The following DZIP1L variants were observed in gnomAD, a reference collection of about 807,000 sequenced individuals.
DZIP1L encodes cilium assembly protein DZIP1L.
A neutral mutation model predicts 88.7 loss-of-function variants in DZIP1L; 90 were observed. The ratio of observed to expected loss-of-function variants is 1.02; its 90% CI spans 0.86 to 1.21. The LOEUF (loss-of-function observed/expected upper bound fraction) is 1.21, where lower values mean the gene tolerates loss of function less well. DZIP1L is among the 50% of genes most tolerant of loss of function. The probability of loss-of-function intolerance (pLI) is 0.00; values close to 1 mark genes in which losing one functional copy is unlikely to be tolerated. For synonymous variants in DZIP1L, 363 were observed against 372.1 expected (o/e 0.98, Z 0.28); for missense variants, 932 against 955.8 (o/e 0.98, Z 0.33).
intron 11 of DZIP1L, 144 bp downstream of exon 11, chr3:138,077,355 T>C: frequency 8.3e-7 from 1 of 1,204,344 alleles, no homozygotes; most frequent in African/African-American, 1.5e-5. Flanking sequence ...GAGAAAGGCG[T>C]GCAGATGCCA....
Position 138,103,751 on chromosome 3 carries a change from C to A in DZIP1L, c.221G>T (p.Arg74Leu), listed in dbSNP as rs773821499. The A allele has an allele frequency of 1.9e-6, 3 of 1,613,802 alleles. No homozygotes were observed. The highest frequency in any genetic ancestry group is 2.7e-5 in the African/African-American group (2 of 74,944). The change falls in exon 2 of 16, where the codon CGC (arginine) becomes CTC (leucine). Residue 74 changes from arginine to leucine, a missense_variant. Transcript: ENST00000327532. ...TGCCGGGTCCACAGGCTGCCCACAGCGGCTGCACACCTCCCGGTCCAAGTT... is the reference window on the plus strand; with the variant it reads ...TGCCGGGTCCACAGGCTGCCCACAGAGGCTGCACACCTCCCGGTCCAAGTT... ...FCNLDREVCSRCGQPVDPALL... is the reference protein window; with the variant it reads ...FCNLDREVCSLCGQPVDPALL...
In DZIP1L at chr3:138,109,398, C is replaced by T. The variant is rs955442433; in HGVS notation, c.-81-5346G>A. Among the ~76,000 whole-genome samples, 3 of 152,298 alleles carry T rather than the reference C, an allele frequency of 2.0e-5. No homozygotes were observed. The South Asian group carries it at 6.2e-4, about 32-fold the overall frequency. On this transcript the variant is annotated intron_variant, in intron 1 of 15. Transcript: ENST00000327532. The stretch of plus-strand genomic sequence containing the variant: ...GCAGCCTGGCTCCAGTCTGGGCTAG[C>T]CTCTATTCTATGCTGCCTCTTGGTA...
intron 4 of DZIP1L, 149 bp downstream of exon 4, chr3:138,094,713 T>C (rs1042417346): frequency 7.8e-7 from 1 of 1,284,432 alleles, no homozygotes. Flanking sequence ...CTAAAATCAT[T>C]TGCCATGTCC....
intron 1 of DZIP1L, among the ~76,000 whole-genome samples, chr3:138,114,627 C>A (rs1296180131): frequency 6.6e-6 from 1 of 152,154 alleles, no homozygotes; most frequent in Non-Finnish European, 1.5e-5. Flanking sequence ...CTTCCCAGGC[C>A]TCTCTCCAAA....
chr3:138,072,180 C>T (rs1943213707), intron 11 of DZIP1L, among the ~76,000 whole-genome samples: 1 of 152,224 alleles, frequency 6.6e-6, no homozygotes, highest in African/African-American at 2.4e-5. Context: ...CCACAGCTTG[C>T]TCATTTTTGT....
chr3:138,078,938 C>T (rs1303431839), intron 10 of DZIP1L, among the ~76,000 whole-genome samples: 1 of 152,210 alleles, frequency 6.6e-6, no homozygotes, highest in African/African-American at 2.4e-5. Flanking sequence ...CAGTTGTAGA[C>T]AGCCACTGGT....
intron 1 of DZIP1L, among the ~76,000 whole-genome samples, chr3:138,112,782 A>G (rs2042639044): frequency 6.6e-6 from 1 of 152,178 alleles, no homozygotes; most frequent in Non-Finnish European, 1.5e-5. Flanking sequence ...TCCTGTCTCT[A>G]CTAAAAATAC....
rs1943725782 is a variant in DZIP1L at position 138,082,806 on chromosome 3, C to G, written c.1204-1042G>C. 2.0e-5 allele frequency among the ~76,000 whole-genome samples: 3 copies of G among 152,202 alleles called. No individual in the cohort carries two copies. In the South Asian group the frequency reaches 6.2e-4, roughly 31 times the overall value. ...TGCAGCTGTAGTTTCCCATGTGACA[C>G]AGCTTTGACCAATAATATAGATAAG... On this transcript the variant is annotated intron_variant, in intron 8 of 15. Coordinates refer to ENST00000327532, the MANE Select transcript of DZIP1L (RefSeq NM_173543.3).
In DZIP1L at chr3:138,101,573, G is replaced by A. The variant is rs569634866; in HGVS notation, c.501+1898C>T. The stretch of plus-strand genomic sequence containing the variant: ...ACAGTGGCCCTGGTGGAGCTGGTGC[G>A]GCTGAAGGAGCTGGAGCCTGCGCCA... On this transcript the variant is annotated intron_variant, in intron 2 of 15. Coordinates refer to ENST00000327532, the MANE Select transcript of DZIP1L (RefSeq NM_173543.3). 786 of 810,328 alleles carry A rather than the reference G, an allele frequency of 9.7e-4. 4 individuals carry two copies. Among genetic ancestry groups the A allele is most frequent in the Non-Finnish European group, 4.7e-4 (217 of 459,794 alleles). The allele number at this position is 810,328 out of a possible 1,614,324, so 50.2% of individuals were successfully genotyped here.
intron 5 of DZIP1L, chr3:138,088,710 A>G: frequency 1.6e-6 from 2 of 1,244,914 alleles, no homozygotes; most frequent in Non-Finnish European, 2.0e-6. Context: ...GCCCTTGCAT[A>G]GAAAAAGCAA....
chr3:138,066,257 T>C (rs1453569931), intron 14 of DZIP1L, among the ~76,000 whole-genome samples: 3 of 152,238 alleles, frequency 2.0e-5, no homozygotes, highest in African/African-American at 7.2e-5. Context: ...GGTAGGAAAC[T>C]GTTTTCCCTT....
intron 15 of DZIP1L, chr3:138,064,315 C>A: frequency 8.3e-7 from 1 of 1,209,248 alleles, no homozygotes; most frequent in Non-Finnish European, 1.1e-6. Context: ...GCTGGAAGAG[C>A]AGCTGCTGCA....
chr3:138,077,973 CCTCT>C (rs1006806898), intron 10 of DZIP1L, among the ~76,000 whole-genome samples: 1 of 152,170 alleles, frequency 6.6e-6, no homozygotes, highest in Non-Finnish European at 1.5e-5. Flanking sequence ...GGAGATTCTC[CCTCT>C]AACTTTAGCA....
chr3:138,066,346 T>C (rs928824616), intron 14 of DZIP1L, among the ~76,000 whole-genome samples: 3 of 152,234 alleles, frequency 2.0e-5, no homozygotes, highest in Non-Finnish European at 2.9e-5. Flanking sequence ...ACTCTTGATC[T>C]GGTGCTAATG....
chr3:138,087,986 C>G (rs911520418), intron 6 of DZIP1L, among the ~76,000 whole-genome samples: 2 of 152,222 alleles, frequency 1.3e-5, no homozygotes, highest in Non-Finnish European at 2.9e-5. Flanking sequence ...GCAAATGCTA[C>G]AAATTAAAGC....
At position 138,103,691 on chromosome 3, in the gene DZIP1L, A is replaced by G. The variant is rs376940572; in HGVS notation, c.281T>C (p.Ile94Thr). 4 of 1,611,970 alleles carry G rather than the reference A, an allele frequency of 2.5e-6. No individual in the cohort carries two copies. The highest frequency in any genetic ancestry group is 3.4e-6 in the Non-Finnish European group (4 of 1,179,912). Residue 94 changes from isoleucine (I) to threonine (T), a missense_variant, in exon 2 of 16, where the codon ATT (isoleucine) becomes ACT (threonine). Transcript: ENST00000327532. ...ATCCTGGCAGTGCAGCAGGTACTCA[A>G]TGATGAGCTGCGCCAGGCGCAGCAC... is the stretch of plus-strand genomic sequence containing the variant. Reference protein sequence around the residue: ...LKVLRLAQLIIEYLLHCQDCL... With the variant: ...LKVLRLAQLITEYLLHCQDCL...
intron 2 of DZIP1L, among the ~76,000 whole-genome samples, chr3:138,099,598 G>A (rs1944632421): frequency 6.6e-6 from 1 of 152,166 alleles, no homozygotes; most frequent in Non-Finnish European, 1.5e-5. Context: ...GCAGTGTTGA[G>A]AGGTGGGGCC....
chr3:138,103,477 G>T lies in DZIP1L; in HGVS notation c.495C>A (p.Tyr165Ter). Residue 165 changes from tyrosine (Y) to a stop codon, truncating the protein, a stop_gained, in exon 2 of 16, where the codon TAC (tyrosine) becomes TAA (stop). Coordinates refer to ENST00000327532, the MANE Select transcript of DZIP1L (RefSeq NM_173543.3). LOFTEE classifies it high-confidence loss of function. The stretch of plus-strand genomic sequence containing the variant: ...CCTGGTGGAGATTCCTCACCGTGTG[G>T]TAGCTGTGGGTGCCTGTCTGCATTA... ...QLLMQTGTHS[Y>*]HTCHLCDKTF... 1 of 1,599,142 alleles carries T rather than the reference G, an allele frequency of 6.3e-7. No individual in the cohort carries two copies. Among genetic ancestry groups the T allele is most frequent in the Non-Finnish European group, 8.5e-7 (1 of 1,170,722 alleles).
rs565961604 is a variant in DZIP1L at position 138,102,252 on chromosome 3, T to C, written c.501+1219A>G. Reference sequence around the variant, plus strand: ...CTCTTCATACAGCTGCCTGAGGAAGTTGATCTCGTCAGTCAGCCCTTCCAG... The same window carrying C: ...CTCTTCATACAGCTGCCTGAGGAAGCTGATCTCGTCAGTCAGCCCTTCCAG... On this transcript the variant is annotated intron_variant, in intron 2 of 15. Transcript: ENST00000327532. 2.5e-4 allele frequency: 355 copies of C among 1,433,402 alleles called. No homozygotes were observed. In the African/African-American group the frequency reaches 4.4e-3, roughly 18 times the overall value. The allele number at this position is 1,433,402 out of a possible 1,614,324, so 88.8% of individuals were successfully genotyped here.
Sources: gnomAD v4.1 joint callset for allele counts (sites outside exome capture counted in the v4.1 genomes callset) on GRCh38, gnomAD v4.1.1 for gene constraint, MANE v1.5 for transcripts, NCBI Gene and HGNC (gene_info 2026-07-23, HGNC 2026-07-21) for gene names.